The following MYO5B variants were observed in gnomAD, a reference collection of about 807,000 sequenced individuals.
MYO5B encodes unconventional myosin-Vb.
A neutral mutation model predicts 229.3 loss-of-function variants in MYO5B; 143 were observed. The ratio of observed to expected loss-of-function variants is 0.62; its 90% CI spans 0.54 to 0.72. MYO5B has a LOEUF of 0.72. Among genes scored for constraint, MYO5B ranks in the 30% least tolerant of loss-of-function variants. MYO5B has a pLI of 0.00. For missense variants in MYO5B, 2,321 were observed against 2,331.0 expected (o/e 1.00, Z 0.09); for synonymous variants, 918 against 885.2 (o/e 1.04, Z -0.66).
chr18:49,872,271 A>G lies in MYO5B; in HGVS notation c.3538-39T>C, dbSNP rs745460564. 1.2e-5 allele frequency: 20 copies of G among 1,600,990 alleles called. No homozygotes were observed. In the South Asian group the frequency reaches 2.0e-4, roughly 16 times the overall value. ...GACACAAAGATAAGTGCAGACCTCG[A>G]GCAAGATATTCCACAGAGGTGTTTC... On this transcript the variant is annotated intron_variant, in intron 26 of 39. Transcript: ENST00000285039.
In MYO5B at chr18:49,998,366, G is replaced by T. The variant is rs913815357; in HGVS notation, c.612+2889C>A. ...TTACATGACCATGTAAGATTAAGCT[G>T]GTTCATGTACACACTCCTCCTTCAG... On this transcript the variant is annotated intron_variant, in intron 5 of 39. Transcript: ENST00000285039. Among the ~76,000 whole-genome samples the T allele has an allele frequency of 7.2e-5, 11 of 152,126 alleles. No individual in the cohort carries two copies. The East Asian group carries it at 2.1e-3, about 29-fold the overall frequency.
rs778340205 is a variant in MYO5B at position 49,864,399 on chromosome 18, G to A, written c.3604-19C>T. 9 of 1,611,712 alleles carry A rather than the reference G, an allele frequency of 5.6e-6. No homozygotes were observed. The highest frequency in any genetic ancestry group is 7.6e-6 in the Non-Finnish European group (9 of 1,179,952). Reference sequence around the variant, plus strand: ...CTTGCCTCTGGAAGACAGCCCAAGGGCCGCTGCCATTACTCCCTGCCCTAG... The same window carrying A: ...CTTGCCTCTGGAAGACAGCCCAAGGACCGCTGCCATTACTCCCTGCCCTAG... On this transcript the variant is annotated intron_variant, in intron 27 of 39. Coordinates refer to ENST00000285039, the MANE Select transcript of MYO5B (RefSeq NM_001080467.3).
rs760464506 is a variant in MYO5B, at chr18:49,974,544, C to T, written c.1128G>A (p.Leu376=). The T allele has an allele frequency of 6.2e-7, 1 of 1,614,158 alleles. No homozygotes were observed. Among genetic ancestry groups the T allele is most frequent in the Non-Finnish European group, 8.5e-7 (1 of 1,180,024 alleles). The change falls in exon 10 of 40, where the codon CTG becomes CTA. Residue 376 remains leucine, a synonymous_variant. Coordinates refer to ENST00000285039, the MANE Select transcript of MYO5B (RefSeq NM_001080467.3). ...AGGTGGTGACCAGCTTGCGATGACA[C>T]AGCCAGTGCTCCATCTGACTGTGCT... The part of the protein sequence containing the change: ...GVEHSQMEHW[L]CHRKLVTTSE...
At chr18:49,838,972 A>G (rs1455826522) in intron 36 of MYO5B, among the ~76,000 whole-genome samples, 172 bp downstream of exon 36, 1 of 152,236 alleles carries the variant, frequency 6.6e-6, no homozygotes, top group Admixed American at 6.5e-5. Context: ...ATACTTTCAC[A>G]GCTTTTTAAG....
intron 10 of MYO5B, among the ~76,000 whole-genome samples, chr18:49,965,108 C>T (rs935466122): frequency 1.3e-5 from 2 of 152,176 alleles, no homozygotes; most frequent in African/African-American, 4.8e-5. Flanking sequence ...GTTCTTACTA[C>T]AGTAGGAAGC....
intron 24 of MYO5B, among the ~76,000 whole-genome samples, chr18:49,878,547 G>C (rs4939601): frequency 0.24 from 36,303 of 151,968 alleles, 4,462 homozygotes; most frequent in East Asian, 0.42. Flanking sequence ...TTGTCTCTAT[G>C]TATACTGCAT....
chr18:49,968,697 G>A (rs2144271112), intron 10 of MYO5B, among the ~76,000 whole-genome samples: 1 of 151,902 alleles, frequency 6.6e-6, no homozygotes, highest in East Asian at 1.9e-4. Flanking sequence ...ATTTTGTCAT[G>A]CTTTAAGGCC....
intron 1 of MYO5B, among the ~76,000 whole-genome samples, chr18:50,130,289 C>T (rs1002274862): frequency 2.0e-5 from 3 of 152,100 alleles, no homozygotes; most frequent in African/African-American, 4.8e-5. Context: ...TGCTCATTAT[C>T]GATTAGCCAG....
intron 1 of MYO5B, among the ~76,000 whole-genome samples, chr18:50,141,138 T>C (rs1405242699): frequency 2.0e-5 from 3 of 152,048 alleles, no homozygotes; most frequent in African/African-American, 7.2e-5. Flanking sequence ...CACTGGACAA[T>C]ACTGAGGACT....
At chr18:50,118,594 T>A (rs2032005082) in intron 1 of MYO5B, among the ~76,000 whole-genome samples, 4 of 151,914 alleles carry the variant, frequency 2.6e-5, no homozygotes, top group Admixed American at 2.0e-4. Context: ...GCAGGTTTGT[T>A]ACATATGTAT....
chr18:50,043,575 T>C lies in MYO5B; in HGVS notation c.139-3261A>G, dbSNP rs1471936648. ...ATGTATTTATAAGTATATATATTTT[T>C]ATATAAAAATATATTTATAAGTATA... On this transcript the variant is annotated intron_variant, in intron 2 of 39. Coordinates refer to ENST00000285039, the MANE Select transcript of MYO5B (RefSeq NM_001080467.3). Among the ~76,000 whole-genome samples the C allele has an allele frequency of 1.2e-3, 159 of 130,116 alleles. 1 individual carries two copies. Among genetic ancestry groups the C allele is most frequent in the African/African-American group, 4.5e-3 (150 of 33,340 alleles). The allele number at this position is 130,116 out of a possible 152,430, so 85.4% of individuals were successfully genotyped here.
intron 1 of MYO5B, among the ~76,000 whole-genome samples, chr18:50,077,837 C>G (rs1203639195): frequency 6.6e-6 from 1 of 152,144 alleles, no homozygotes; most frequent in Admixed American, 6.5e-5. Context: ...CCCTCTTCAC[C>G]CTAAGGCCCA....
At chr18:49,868,871 G>C (rs538406846) in intron 27 of MYO5B, among the ~76,000 whole-genome samples, 1 of 152,230 alleles carries the variant, frequency 6.6e-6, no homozygotes, top group Non-Finnish European at 1.5e-5. Context: ...TGCAGGGTAC[G>C]TAGTCAATGT....
chr18:49,864,609 C>G (rs999184969), intron 27 of MYO5B, among the ~76,000 whole-genome samples: 1 of 152,230 alleles, frequency 6.6e-6, no homozygotes, highest in Non-Finnish European at 1.5e-5. Context: ...GCCTCCAGAG[C>G]GGCAGTCTCC....
intron 19 of MYO5B, among the ~76,000 whole-genome samples, chr18:49,905,404 T>C (rs1436765496): frequency 1.3e-5 from 2 of 152,132 alleles, no homozygotes; most frequent in African/African-American, 4.8e-5. Context: ...TGCCTTCCCA[T>C]CTCACCTCCC....
intron 2 of MYO5B, among the ~76,000 whole-genome samples, chr18:50,044,043 T>A (rs970705198): frequency 2.0e-4 from 30 of 152,146 alleles, no homozygotes; most frequent in African/African-American, 6.5e-4. Flanking sequence ...CAATAAAAAA[T>A]TTTTTTAAAA....
At chr18:49,866,771 C>T (rs2024401368) in intron 27 of MYO5B, among the ~76,000 whole-genome samples, 1 of 152,198 alleles carries the variant, frequency 6.6e-6, no homozygotes, top group Non-Finnish European at 1.5e-5. Context: ...CTATCAATTA[C>T]ACTAAAGTAC....
At chr18:50,072,115 A>G (rs1381682127) in intron 1 of MYO5B, among the ~76,000 whole-genome samples, 2 of 152,254 alleles carry the variant, frequency 1.3e-5, no homozygotes. Context: ...CATGGACTTC[A>G]GAAAACACTG....
At chr18:50,041,136 T>G (rs1405117242) in intron 2 of MYO5B, among the ~76,000 whole-genome samples, 3 of 152,172 alleles carry the variant, frequency 2.0e-5, no homozygotes, top group Non-Finnish European at 4.4e-5. Context: ...ATGGTGTTCT[T>G]AAAAATCTTC....
Sources: allele counts gnomAD v4.1 joint callset (sites outside exome capture counted in the v4.1 genomes callset), GRCh38; gene constraint gnomAD v4.1.1; transcripts MANE v1.5; gene names NCBI Gene and HGNC (gene_info 2026-07-23, HGNC 2026-07-21).